Variants in HADH observed in about 807,000 individuals in gnomAD.
HADH encodes the protein hydroxyacyl-CoA dehydrogenase.
HADH carries 24 observed loss-of-function variants against 32.2 expected under a neutral mutation model. The ratio of observed to expected loss-of-function variants is 0.75; its 90% CI spans 0.54 to 1.05. The LOEUF (loss-of-function observed/expected upper bound fraction) is 1.05, where lower values mean the gene tolerates loss of function less well. Among genes scored for constraint, HADH ranks in the 50% least tolerant of loss-of-function variants. The pLI is 0.00. For synonymous variants in HADH, 139 were observed against 152.5 expected (o/e 0.91, Z 0.65); for missense variants, 350 against 397.1 (o/e 0.88, Z 1.01).
chr4:108,018,729 G>T (rs182716669), intron 3 of HADH, among the ~76,000 whole-genome samples: 1 of 152,204 alleles, frequency 6.6e-6, no homozygotes, highest in Non-Finnish European at 1.5e-5. Flanking sequence ...AGTCCATCTT[G>T]GTTGGAATCA....
intron 1 of HADH, among the ~76,000 whole-genome samples, chr4:108,001,400 A>T (rs1212037477): frequency 6.6e-6 from 1 of 152,260 alleles, no homozygotes; most frequent in Non-Finnish European, 1.5e-5. Context: ...TAGAAGATCA[A>T]GAGAGGTCAA....
intron 1 of HADH, among the ~76,000 whole-genome samples, chr4:108,009,104 T>A (rs539747042): frequency 1.3e-5 from 2 of 152,332 alleles, no homozygotes; most frequent in African/African-American, 4.8e-5. Context: ...TTCATTTTCT[T>A]GGGAGTCTTG....
chr4:107,993,068 A>G (rs1734860260), intron 1 of HADH, among the ~76,000 whole-genome samples: 1 of 152,232 alleles, frequency 6.6e-6, no homozygotes, highest in Non-Finnish European at 1.5e-5. Flanking sequence ...GTGAGCCGAG[A>G]TCGCACCACT....
At chr4:108,028,043 T>A in intron 6 of HADH, 1 of 515,516 alleles carries the variant, frequency 1.9e-6, no homozygotes, top group Non-Finnish European at 3.5e-6. Context: ...CAGATTGATA[T>A]CCTGGATCTC....
chr4:108,017,556 CT>C (rs201301738), intron 3 of HADH, among the ~76,000 whole-genome samples: 10,463 of 144,120 alleles, frequency 0.073, 368 homozygotes, highest in South Asian at 0.098. Flanking sequence ...TGTAAGAGTA[CT>C]TTTTTTTTTT....
intron 4 of HADH, among the ~76,000 whole-genome samples, chr4:108,022,205 G>GTGTGTGTGTA (rs1553943757): frequency 3.8e-4 from 56 of 147,456 alleles, no homozygotes; most frequent in African/African-American, 1.4e-3. Flanking sequence ...GTGTGTATGT[G>GTGTGTGTGTA]TGTGTGTGTG....
chr4:108,026,663 A>C (rs1207536694), intron 5 of HADH: 3 of 152,192 alleles, frequency 2.0e-5, no homozygotes, highest in Non-Finnish European at 4.4e-5. Flanking sequence ...CCCCGCATGC[A>C]GTCAGGTTAG....
chr4:107,998,525 G>A (rs534969068), intron 1 of HADH, among the ~76,000 whole-genome samples: 14 of 152,150 alleles, frequency 9.2e-5, no homozygotes, highest in South Asian at 6.2e-4. Flanking sequence ...TGATCTGCCC[G>A]CCTTAGCCTC....
At chr4:107,990,126 T>C in intron 1 of HADH, 62 bp downstream of exon 1, 2 of 1,535,394 alleles carry the variant, frequency 1.3e-6, no homozygotes, top group Non-Finnish European at 1.8e-6. Flanking sequence ...GTGGAAGCTC[T>C]GGCGCGACCG....
intron 1 of HADH, among the ~76,000 whole-genome samples, chr4:108,006,186 G>T (rs529931168): frequency 2.5e-4 from 38 of 152,336 alleles, no homozygotes; most frequent in African/African-American, 9.1e-4. Flanking sequence ...TAGGGAGTGT[G>T]TGGGGGAGGA....
In HADH at chr4:108,022,889, G is replaced by A. The variant is rs561491288; in HGVS notation, c.547-585G>A. On this transcript the variant is annotated intron_variant, in intron 4 of 7. Transcript: ENST00000309522. ...CAGTAAGTGGTGCAACTGAACCCAG[G>A]CTTGTCTCAACAACAAAGCCTGTAA... is the stretch of plus-strand genomic sequence containing the variant. 2.6e-5 allele frequency among the ~76,000 whole-genome samples: 4 copies of A among 152,130 alleles called. 1 individual carries two copies. The South Asian group carries it at 8.3e-4, about 32-fold the overall frequency.
At chr4:108,033,482 G>A (rs1335281862) in intron 7 of HADH, among the ~76,000 whole-genome samples, 190 bp downstream of exon 7, 3 of 152,116 alleles carry the variant, frequency 2.0e-5, no homozygotes, top group Non-Finnish European at 4.4e-5. Flanking sequence ...CTCTTTAACA[G>A]GGTGACCTTG....
intron 5 of HADH, chr4:108,026,211 T>A (rs1736065568): frequency 6.6e-6 from 1 of 151,998 alleles, no homozygotes; most frequent in Non-Finnish European, 1.5e-5. Context: ...CCGGCTAATT[T>A]TGTATTTTTA....
rs1735965015 is a variant in HADH, at chr4:108,023,570, G to C, written c.636+7G>C. 6.6e-7 allele frequency: 1 copy of C among 1,514,216 alleles called. No homozygotes were observed. Among genetic ancestry groups the C allele is most frequent in the Non-Finnish European group, 9.2e-7 (1 of 1,088,578 alleles). The allele number at this position is 1,514,216 out of a possible 1,614,324, so 93.8% of individuals were successfully genotyped here. A position where few individuals can be genotyped will look rare whatever the true frequency, so the allele number is the denominator to read the frequency against. ...GCATCCTGTTTCTTGCAAGGTAAGA[G>C]TATGGGTAGCTTGGGAAGGAGGTAG... On this transcript the variant is annotated splice_region_variant and intron_variant, in intron 5 of 7. Coordinates refer to ENST00000309522, the MANE Select transcript of HADH (RefSeq NM_005327.7).
chr4:108,023,372 T>G, intron 4 of HADH, 102 bp from the exon 5 acceptor site: 1 of 751,216 alleles, frequency 1.3e-6, no homozygotes, highest in Middle Eastern at 2.3e-4. Flanking sequence ...TCAAACTATT[T>G]TTGTTGCCTA....
intron 4 of HADH, among the ~76,000 whole-genome samples, chr4:108,022,223 G>A (rs939455471): frequency 6.7e-6 from 1 of 148,346 alleles, no homozygotes; most frequent in Non-Finnish European, 1.5e-5. Context: ...GTGTGTGTGT[G>A]TATAGTTGAA....
rs543704828 is a variant in HADH, at chr4:108,004,956, G to A, written c.133-4803G>A. On this transcript the variant is annotated intron_variant, in intron 1 of 7. Transcript: ENST00000309522. ...AAACTAGTATTCAGGATGTTATGTG[G>A]TACTAAAAGGAATGTTAAACGAAGT... 8.3e-6 allele frequency: 12 copies of A among 1,439,180 alleles called. No homozygotes were observed. The Admixed American group carries it at 1.8e-4, about 21-fold the overall frequency. 89.2% of individuals were successfully genotyped at this position (1,439,180 alleles called of 1,614,324 possible).
intron 7 of HADH, 23 bp downstream of exon 7, chr4:108,033,315 G>T: frequency 8.6e-7 from 1 of 1,161,634 alleles, no homozygotes; most frequent in Non-Finnish European, 1.3e-6. Context: ...ATTTTTTGTT[G>T]TCTTTAATTG....
intron 1 of HADH, among the ~76,000 whole-genome samples, chr4:107,997,571 C>T (rs1299109313): frequency 2.6e-5 from 4 of 152,058 alleles, no homozygotes; most frequent in African/African-American, 4.8e-5. Context: ...CTGAAGCAGC[C>T]GTGTCTAAAA....
Sources: gnomAD v4.1 joint callset for allele counts (sites outside exome capture counted in the v4.1 genomes callset) on GRCh38, gnomAD v4.1.1 for gene constraint, MANE v1.5 for transcripts, NCBI Gene and HGNC (gene_info 2026-07-23, HGNC 2026-07-21) for gene names.